The following REDIC1 variants were observed in gnomAD, a reference collection of about 807,000 sequenced individuals.
REDIC1 encodes the protein HEI10 Interacting Protein 1.
chr12:39,678,629 C>CAAAAAAAAAAAAAAAAAAAA, the REDIC1 span, among the ~76,000 whole-genome samples: 3 of 96,234 alleles, frequency 3.1e-5, no homozygotes, highest in Non-Finnish European at 4.2e-5. Context: ...AAAGGCATAA[C>CAAAAAAAAAAAAAAAAAAAA]AAAAAAAAAA....
the REDIC1 span, among the ~76,000 whole-genome samples, chr12:39,680,336 C>T: frequency 7.9e-5 from 12 of 151,966 alleles, no homozygotes; most frequent in East Asian, 2.3e-3. Flanking sequence ...AGACAATTTG[C>T]AAAAGAAGAT....
the REDIC1 span, among the ~76,000 whole-genome samples, chr12:39,697,183 G>A: frequency 2.0e-5 from 3 of 152,184 alleles, no homozygotes; most frequent in Non-Finnish European, 2.9e-5. Flanking sequence ...TGCAGTGGAA[G>A]CCTTACAAGC....
the REDIC1 span, among the ~76,000 whole-genome samples, chr12:39,901,937 C>G: frequency 6.6e-6 from 1 of 152,068 alleles, no homozygotes; most frequent in Non-Finnish European, 1.5e-5. Context: ...GACTTGGAAC[C>G]AACCAAAATG....
the REDIC1 span, among the ~76,000 whole-genome samples, chr12:39,711,651 G>GCA: frequency 2.3e-4 from 30 of 132,996 alleles, 3 homozygotes; most frequent in African/African-American, 7.7e-4. Context: ...GTATACACAT[G>GCA]TATGTATGTC....
At chr12:39,634,530 A>T in the REDIC1 span, among the ~76,000 whole-genome samples, 3 of 152,200 alleles carry the variant, frequency 2.0e-5, no homozygotes, top group African/African-American at 7.2e-5. Context: ...AAAACAAGCA[A>T]TGGGGAAAGG....
the REDIC1 span, among the ~76,000 whole-genome samples, chr12:39,760,513 T>C: frequency 6.6e-6 from 1 of 152,000 alleles, no homozygotes; most frequent in African/African-American, 2.4e-5. Context: ...TTGAAGCCTT[T>C]CCTCCCTTCC....
At chr12:39,712,886 T>C in the REDIC1 span, among the ~76,000 whole-genome samples, 13 of 144,852 alleles carry the variant, frequency 9.0e-5, no homozygotes, top group African/African-American at 2.8e-4. Flanking sequence ...CGTATATACA[T>C]ATATGCATAT....
chr12:39,713,395 CACAT>C, the REDIC1 span, among the ~76,000 whole-genome samples: 9 of 9,280 alleles, frequency 9.7e-4, no homozygotes, highest in East Asian at 1.3e-3. Flanking sequence ...TGTGTGTAGA[CACAT>C]ACGTATGTAT....
the REDIC1 span, chr12:39,864,701 A>C: frequency 1.3e-6 from 2 of 1,592,658 alleles, no homozygotes; most frequent in Non-Finnish European, 1.7e-6. Flanking sequence ...TAAAAAAGTT[A>C]AAAGCAAGCA....
chr12:39,670,532 A>G, the REDIC1 span, among the ~76,000 whole-genome samples: 3 of 152,122 alleles, frequency 2.0e-5, no homozygotes, highest in Non-Finnish European at 1.5e-5. Flanking sequence ...GTGGTGGGAG[A>G]TAAGACCTTT....
the REDIC1 span, chr12:39,907,900 C>G: frequency 2.0e-5 from 3 of 151,274 alleles, no homozygotes; most frequent in Non-Finnish European, 4.4e-5. Flanking sequence ...ATGCTCCCAA[C>G]CCACCCATTC....
chr12:39,879,640 G>T, the REDIC1 span, among the ~76,000 whole-genome samples: 1 of 152,084 alleles, frequency 6.6e-6, no homozygotes, highest in South Asian at 2.1e-4. Flanking sequence ...GAGAATATTT[G>T]TTTACCCAAT....
the REDIC1 span, among the ~76,000 whole-genome samples, chr12:39,805,723 AG>A: frequency 2.0e-5 from 3 of 152,198 alleles, no homozygotes; most frequent in South Asian, 4.1e-4. Context: ...AGGGAGTTGG[AG>A]GAGGGGCACT....
the REDIC1 span, among the ~76,000 whole-genome samples, chr12:39,842,811 C>T: frequency 2.6e-5 from 4 of 151,958 alleles, no homozygotes; most frequent in Admixed American, 2.6e-4. Flanking sequence ...CACGAATCTA[C>T]TCTTTGTCTC....
the REDIC1 span, among the ~76,000 whole-genome samples, chr12:39,822,928 A>T: frequency 6.6e-6 from 1 of 152,196 alleles, no homozygotes; most frequent in African/African-American, 2.4e-5. Flanking sequence ...GAGGGAGATA[A>T]ATTACTCAGA....
the REDIC1 span, among the ~76,000 whole-genome samples, chr12:39,869,756 G>A: frequency 1.3e-5 from 2 of 152,208 alleles, no homozygotes; most frequent in Non-Finnish European, 2.9e-5. Context: ...AAGAGTTCAG[G>A]AAGATTCCTA....
chr12:39,641,409 AC>A, the REDIC1 span, among the ~76,000 whole-genome samples: 1 of 151,768 alleles, frequency 6.6e-6, no homozygotes, highest in African/African-American at 2.4e-5. Context: ...GAGCAAAGAA[AC>A]CCTTGTACAT....
the REDIC1 span, among the ~76,000 whole-genome samples, chr12:39,766,134 TCTC>T: frequency 1.3e-5 from 2 of 152,108 alleles, no homozygotes; most frequent in Admixed American, 6.6e-5. Flanking sequence ...ACTTTGTTTA[TCTC>T]CTCATTTCTG....
the REDIC1 span, among the ~76,000 whole-genome samples, chr12:39,858,828 G>A: frequency 2.6e-5 from 4 of 152,074 alleles, no homozygotes; most frequent in Non-Finnish European, 4.4e-5. Context: ...GACTGGTCTC[G>A]AACTCCTGAC....
Sources: allele counts gnomAD v4.1 joint callset (sites outside exome capture counted in the v4.1 genomes callset), GRCh38; gene constraint gnomAD v4.1.1; transcripts MANE v1.5; gene names NCBI Gene and HGNC (gene_info 2026-07-23, HGNC 2026-07-21).